The following CASK variants were observed in gnomAD, a reference collection of about 807,000 sequenced individuals.
The protein encoded by CASK is peripheral plasma membrane protein CASK.
A neutral mutation model predicts 82.9 loss-of-function variants in CASK; 4 were observed. The ratio of observed to expected loss-of-function variants is 0.05; its 90% CI spans 0.02 to 0.11. CASK has a LOEUF of 0.11. CASK is among the 10% of genes least tolerant of loss of function. The pLI is 1.00. For synonymous variants in CASK, 259 were observed against 253.5 expected, an observed-to-expected ratio of 1.02 and a Z score of -0.20; for missense variants, 358 against 720.9, an observed-to-expected ratio of 0.50 and a Z score of 5.76.
chrX:41,762,348 G>T (rs1283675462), intron 3 of CASK, among the ~76,000 whole-genome samples: 2 of 111,801 alleles, frequency 1.8e-5, no homozygotes, highest in East Asian at 2.8e-4. Flanking sequence ...AAACTGAGGT[G>T]CCAAGAAGTG....
intron 2 of CASK, among the ~76,000 whole-genome samples, chrX:41,809,291 C>T (rs2070216761): frequency 8.9e-6 from 1 of 112,327 alleles, no homozygotes; most frequent in African/African-American, 3.2e-5. Flanking sequence ...AGACTGCCTC[C>T]TCAAGTGGGT....
intron 21 of CASK, among the ~76,000 whole-genome samples, chrX:41,547,617 C>T (rs897316285): frequency 1.8e-5 from 2 of 108,180 alleles, no homozygotes; most frequent in Non-Finnish European, 3.8e-5. Context: ...AATTGATTTT[C>T]GTATATTGAT....
chrX:41,604,320 A>C (rs1279679164), intron 12 of CASK, among the ~76,000 whole-genome samples: 1 of 100,170 alleles, frequency 1.0e-5, no homozygotes, highest in African/African-American at 3.7e-5. Context: ...ATTAATTAAG[A>C]TGATGTCATA....
chrX:41,660,033 C>A (rs1602424271), intron 8 of CASK: 1 of 145,694 alleles, frequency 6.9e-6, no homozygotes, highest in South Asian at 2.4e-4. Flanking sequence ...TTTCCTAAGA[C>A]AGAAAATTTA....
At chrX:41,724,044 C>A (rs908478619) in intron 5 of CASK, 3 of 112,162 alleles carry the variant, frequency 2.7e-5, no homozygotes, top group Non-Finnish European at 3.8e-5. Context: ...CCACTTCCTC[C>A]CACTACAGAA....
intron 1 of CASK, among the ~76,000 whole-genome samples, chrX:41,900,600 T>C (rs977085818): frequency 4.1e-4 from 12 of 29,375 alleles, no homozygotes; most frequent in Non-Finnish European, 5.8e-4. Context: ...TGTTTGGTTC[T>C]TTTTTTTTTT....
intron 7 of CASK, among the ~76,000 whole-genome samples, chrX:41,663,248 C>T (rs762460613): frequency 1.8e-5 from 2 of 111,613 alleles, no homozygotes; most frequent in African/African-American, 6.5e-5. Context: ...AATCATATGA[C>T]AGTATACTAA....
chrX:41,579,220 A>G (rs1256208512), intron 14 of CASK, among the ~76,000 whole-genome samples: 1 of 112,208 alleles, frequency 8.9e-6, no homozygotes, highest in African/African-American at 3.2e-5. Flanking sequence ...ATAGCATATG[A>G]TTTAGAAAAA....
intron 4 of CASK, among the ~76,000 whole-genome samples, chrX:41,744,238 A>T (rs372940588): frequency 9.0e-6 from 1 of 111,289 alleles, no homozygotes; most frequent in East Asian, 2.8e-4. Flanking sequence ...AACCTACAGG[A>T]GTGGGTAATT....
intron 1 of CASK, among the ~76,000 whole-genome samples, chrX:41,877,056 A>C (rs1363453859): frequency 9.0e-6 from 1 of 111,596 alleles, no homozygotes; most frequent in Non-Finnish European, 1.9e-5. Flanking sequence ...CCTCATTTTT[A>C]ATAGAGTGGG....
chrX:41,659,771 G>A (rs1441098347), intron 8 of CASK, among the ~76,000 whole-genome samples: 1 of 110,864 alleles, frequency 9.0e-6, no homozygotes, highest in Non-Finnish European at 1.9e-5. Context: ...AGCTGAGGCG[G>A]GCAGATCGCT....
intron 2 of CASK, among the ~76,000 whole-genome samples, chrX:41,827,808 T>C (rs1165763664): frequency 1.8e-5 from 2 of 112,038 alleles, no homozygotes; most frequent in Non-Finnish European, 3.8e-5. Flanking sequence ...AGAAGAAAAA[T>C]GTATGTCTTG....
In CASK at chrX:41,774,389, A is replaced by C. The variant is rs1242166717; in HGVS notation, c.278+12789T>G. ...GGAATCCAACTTACAAGGGACGTGA[A>C]GGACAAATGGAAGAACATTCCATGC... On this transcript the variant is annotated intron_variant, in intron 3 of 26. Coordinates refer to ENST00000378163, the MANE Select transcript of CASK (RefSeq NM_001367721.1). Among the ~76,000 whole-genome samples the C allele has an allele frequency of 8.9e-5, 10 of 111,760 alleles. No individual in the cohort carries two copies. In the Admixed American group the frequency reaches 9.5e-4, roughly 11 times the overall value.
chrX:41,897,811 A>G (rs770951730), intron 1 of CASK, among the ~76,000 whole-genome samples: 3 of 111,919 alleles, frequency 2.7e-5, no homozygotes, highest in Non-Finnish European at 5.7e-5. Flanking sequence ...CTCTTCAGAT[A>G]TATCTGTTGT....
At chrX:41,915,481 A>G (rs2072657522) in intron 1 of CASK, among the ~76,000 whole-genome samples, 1 of 112,685 alleles carries the variant, frequency 8.9e-6, no homozygotes, top group Non-Finnish European at 1.9e-5. Context: ...ATGGAGAAGA[A>G]ACTGAACAAT....
intron 1 of CASK, among the ~76,000 whole-genome samples, chrX:41,854,220 GCGCGCACA>G (rs1321620551): frequency 9.0e-5 from 5 of 55,778 alleles, no homozygotes; most frequent in African/African-American, 2.8e-4. Context: ...GCGCGCGGGC[GCGCGCACA>G]CACACACACA....
chrX:41,553,126 A>T (rs991449800), intron 21 of CASK, among the ~76,000 whole-genome samples: 1 of 111,649 alleles, frequency 9.0e-6, no homozygotes, highest in Non-Finnish European at 1.9e-5. Context: ...GTGATCTGTG[A>T]CTCCTTTTCT....
Position 41,891,041 on chromosome X carries a change from C to G in CASK, c.59+31889G>C, listed in dbSNP as rs956146980. 2.0e-4 allele frequency among the ~76,000 whole-genome samples: 22 copies of G among 108,497 alleles called. 1 individual carries two copies. 94.2% of individuals were successfully genotyped at this position (108,497 alleles called of 115,157 possible). A position where few individuals can be genotyped will look rare whatever the true frequency, so the allele number is the denominator to read the frequency against. On this transcript the variant is annotated intron_variant, in intron 1 of 26. Transcript: ENST00000378163. ...TAGCTGGTATTACAGGTGCGTGCCA[C>G]CACACCCAGCTATTTTTTTTTAATT...
chrX:41,886,959 G>A (rs1325800312), intron 1 of CASK, among the ~76,000 whole-genome samples: 1 of 110,624 alleles, frequency 9.0e-6, no homozygotes, highest in Non-Finnish European at 1.9e-5. Context: ...ATCCATAATG[G>A]CCACCATCTG....
Sources: gnomAD v4.1 joint callset for allele counts (sites outside exome capture counted in the v4.1 genomes callset) on GRCh38, gnomAD v4.1.1 for gene constraint, MANE v1.5 for transcripts, NCBI Gene and HGNC (gene_info 2026-07-23, HGNC 2026-07-21) for gene names.